Variants in PAK3 observed in about 807,000 individuals in gnomAD.
PAK3 encodes the protein p21 (RAC1) activated kinase 3, also known as serine/threonine-protein kinase PAK 3.
A neutral mutation model predicts 41.0 loss-of-function variants in PAK3; 4 were observed. The ratio of observed to expected loss-of-function variants is 0.10; its 90% confidence interval spans 0.05 to 0.22. The LOEUF is 0.22. PAK3 is among the 10% of genes least tolerant of loss of function. The pLI is 1.00. For missense variants in PAK3, 205 were observed against 409.9 expected, an observed-to-expected ratio of 0.50 and a Z score of 4.32; for synonymous variants, 146 against 139.6, an observed-to-expected ratio of 1.05 and a Z score of -0.32.
chrX:111,206,063 G>A (rs2094743826), intron 16 of PAK3, among the ~76,000 whole-genome samples: 1 of 111,207 alleles, frequency 9.0e-6, no homozygotes, highest in Non-Finnish European at 1.9e-5. Context: ...AGGAGCAATG[G>A]AGCAGTCACA....
intron 1 of PAK3, among the ~76,000 whole-genome samples, chrX:111,008,029 T>G (rs1240840853): frequency 8.9e-6 from 1 of 112,222 alleles, no homozygotes; most frequent in African/African-American, 3.2e-5. Context: ...TGTACTGACT[T>G]CATAGAGTTG....
intron 1 of PAK3, among the ~76,000 whole-genome samples, chrX:111,050,105 G>A (rs1182092172): frequency 9.0e-6 from 1 of 111,672 alleles, no homozygotes; most frequent in East Asian, 2.8e-4. Context: ...TAGCTCCCAG[G>A]AAGTATAACT....
Position 111,055,121 on chromosome X carries a change from C to T in PAK3, c.-27-67956C>T, listed in dbSNP as rs749631049. On this transcript the variant is annotated intron_variant, in intron 1 of 14. Coordinates refer to the PAK3 transcript ENST00000425146. ...AACCACTAGACCACACTACCATTCC[C>T]TATATTTACATGGACTCTTTGCCTT... is the stretch of plus-strand genomic sequence containing the variant. Among the ~76,000 whole-genome samples the T allele has an allele frequency of 3.6e-5, 4 of 112,020 alleles. No individual in the cohort carries two copies. In the South Asian group the frequency reaches 1.5e-3, roughly 42 times the overall value.
chrX:111,123,340 T>G, intron 5 of PAK3, 62 bp downstream of exon 5: 7 of 996,318 alleles, frequency 7.0e-6, no homozygotes, highest in Non-Finnish European at 8.5e-6. Flanking sequence ...TTCACTTTCT[T>G]TCTTAGGTAG....
chrX:111,173,307 A>G (rs2094367827), intron 11 of PAK3, among the ~76,000 whole-genome samples: 1 of 111,586 alleles, frequency 9.0e-6, no homozygotes, highest in Non-Finnish European at 1.9e-5. Context: ...TTGGGCTGAC[A>G]GTAAATTCTG....
chrX:111,001,634 C>A (rs764058197), intron 1 of PAK3, among the ~76,000 whole-genome samples: 7 of 112,057 alleles, frequency 6.2e-5, no homozygotes, highest in Non-Finnish European at 1.3e-4. Context: ...TCGACTTATT[C>A]AGGTAGCATC....
intron 8 of PAK3, among the ~76,000 whole-genome samples, chrX:111,156,105 G>T (rs1426765349): frequency 2.7e-5 from 3 of 111,822 alleles, no homozygotes; most frequent in Non-Finnish European, 5.6e-5. Context: ...GACTAGTAGG[G>T]AGAATATTGC....
chrX:111,051,350 T>G (rs1332857401), intron 1 of PAK3, among the ~76,000 whole-genome samples: 1 of 111,958 alleles, frequency 8.9e-6, no homozygotes, highest in Non-Finnish European at 1.9e-5. Flanking sequence ...ATTTTATTGA[T>G]TAACTCAGCT....
At chrX:111,118,311 G>A (rs944406970) in intron 4 of PAK3, among the ~76,000 whole-genome samples, 3 of 111,304 alleles carry the variant, frequency 2.7e-5, no homozygotes, top group Non-Finnish European at 5.6e-5. Flanking sequence ...AGCAAAGCAT[G>A]GTTTGTTTCC....
Position 111,192,506 on chromosome X carries a change from G to T in PAK3, c.880G>T (p.Val294Leu). ...TTCTTGTATTTTAATTGCCATTCAG[G>T]TGGCCATAAAGCAGATGAACCTTCA... ...TALDIATGQE[V>L]AIKQMNLQQQ... The change falls in exon 13 of 18, where the codon GTG becomes TTG. Residue 294 changes from valine to leucine, a missense_variant and splice_region_variant. Physicochemically the swap from Val to Leu is conservative, Grantham distance 32 (BLOSUM62 1). Coordinates refer to ENST00000372007, the MANE Select transcript of PAK3 (RefSeq NM_002578.5). 9.8e-7 allele frequency: 1 copy of T among 1,020,593 alleles called. No individual in the cohort carries two copies. Among genetic ancestry groups the T allele is most frequent in the South Asian group, 1.9e-5 (1 of 52,744 alleles). The allele number at this position is 1,020,593 out of a possible 1,213,427, so 84.1% of individuals were successfully genotyped here.
chrX:110,985,899 C>T (rs1380468477), intron 1 of PAK3, among the ~76,000 whole-genome samples: 3 of 111,284 alleles, frequency 2.7e-5, no homozygotes, highest in Non-Finnish European at 5.7e-5. Context: ...GTCTCATTTC[C>T]ACTGATTTCT....
rs1475020951 is a variant in PAK3 at position 111,224,976 on chromosome X, C to G, written c.*4529C>G. ...TTAAGCAAAGGTATGGCCAGTAGTG[C>G]AAGTATCTCCCAGTCTCTGAGCTCT... On this transcript the variant is annotated 3_prime_UTR_variant, in exon 18 of 18. Coordinates refer to ENST00000372007, the MANE Select transcript of PAK3 (RefSeq NM_002578.5). The G allele has an allele frequency of 8.9e-6, 1 of 111,871 alleles. No individual in the cohort carries two copies. Among genetic ancestry groups the G allele is most frequent in the Non-Finnish European group, 1.9e-5 (1 of 53,243 alleles). 9.2% of individuals were successfully genotyped at this position (111,871 alleles called of 1,213,427 possible).
chrX:111,107,285 G>C lies in PAK3; in HGVS notation c.-28+3979G>C, dbSNP rs140591937. On this transcript the variant is annotated intron_variant, in intron 4 of 17. Coordinates refer to ENST00000372007, the MANE Select transcript of PAK3 (RefSeq NM_002578.5). ...GAACATGGCACTCAAGGAAAGGAAA[G>C]AGAAGGTTAATGAACTAGCTGGATG... Among the ~76,000 whole-genome samples the C allele has an allele frequency of 7.2e-3, 812 of 112,240 alleles. 12 individuals are homozygous for C. Among genetic ancestry groups the C allele is most frequent in the African/African-American group, 0.025 (775 of 30,893 alleles).
At chrX:111,013,477 G>T (rs765147988) in intron 1 of PAK3, among the ~76,000 whole-genome samples, 4 of 110,826 alleles carry the variant, frequency 3.6e-5, no homozygotes, top group African/African-American at 1.3e-4. Context: ...CAGGCATGTA[G>T]ATCCATGCTT....
At chrX:111,142,920 A>G (rs1389068469) in intron 6 of PAK3, among the ~76,000 whole-genome samples, 1 of 110,737 alleles carries the variant, frequency 9.0e-6, no homozygotes, top group Non-Finnish European at 1.9e-5. Context: ...CTCAAATAGC[A>G]CAAGATCTCA....
intron 1 of PAK3, among the ~76,000 whole-genome samples, chrX:110,999,261 C>T (rs769057459): frequency 4.5e-5 from 5 of 111,710 alleles, no homozygotes; most frequent in Non-Finnish European, 9.4e-5. Context: ...AGCAGCTAAA[C>T]CAAAGTTTAA....
In PAK3 at chrX:111,216,909, T is replaced by C. The variant is rs112444992; in HGVS notation, c.1545+351T>C. On this transcript the variant is annotated intron_variant, in intron 17 of 17. Transcript: ENST00000372007. ...AGGTGCTCTTGGCCGGAGGTAATTC[T>C]CTACATAACTATGCAATTATTTCCA... 8.4e-4 allele frequency: 627 copies of C among 748,895 alleles called. 7 individuals carry two copies. The African/African-American group carries it at 0.013, about 16-fold the overall frequency. 61.7% of individuals were successfully genotyped at this position (748,895 alleles called of 1,213,427 possible). A position where few individuals can be genotyped will look rare whatever the true frequency, so the allele number is the denominator to read the frequency against.
chrX:110,980,893 A>T (rs1176946074), intron 1 of PAK3, among the ~76,000 whole-genome samples: 1 of 112,236 alleles, frequency 8.9e-6, no homozygotes, highest in African/African-American at 3.2e-5. Context: ...CAGTCAAACA[A>T]GGTAGGTCAG....
chrX:111,097,809 A>G (rs2093035987), intron 3 of PAK3, 125 bp downstream of exon 3: 1 of 111,788 alleles, frequency 8.9e-6, no homozygotes, highest in South Asian at 3.8e-4. Context: ...ATGAATGACT[A>G]ACAGGCAGAG....
Sources: allele counts gnomAD v4.1 joint callset (sites outside exome capture counted in the v4.1 genomes callset), GRCh38; gene constraint gnomAD v4.1.1; transcripts MANE v1.5; gene names NCBI Gene and HGNC (gene_info 2026-07-23, HGNC 2026-07-21).